The following ZZZ3 variants were observed in gnomAD, a reference collection of about 807,000 sequenced individuals.
The protein encoded by ZZZ3 is ZZ-type zinc finger-containing protein 3.
ZZZ3 carries 22 observed loss-of-function variants against 95.2 expected under a neutral mutation model. That is an observed-to-expected ratio of 0.23 (90% CI 0.17 to 0.33). ZZZ3 has a LOEUF of 0.33. Ranked by LOEUF, ZZZ3 falls within the 10% of genes least tolerant of loss-of-function variation. The pLI is 1.00. For missense variants in ZZZ3, 885 were observed against 1,066.5 expected (o/e 0.83, Z 2.37); for synonymous variants, 335 against 358.9 (o/e 0.93, Z 0.75).
chr1:77,650,422 C>T (rs548930956), intron 1 of ZZZ3, among the ~76,000 whole-genome samples: 5 of 152,108 alleles, frequency 3.3e-5, no homozygotes, highest in African/African-American at 1.2e-4. Context: ...ACTGTGACCA[C>T]GATGAAATTA....
intron 6 of ZZZ3, among the ~76,000 whole-genome samples, chr1:77,582,752 T>G (rs1490537624): frequency 6.6e-6 from 1 of 151,894 alleles, no homozygotes; most frequent in Non-Finnish European, 1.5e-5. Flanking sequence ...CATGTAATTG[T>G]ATAAAAAATT....
At chr1:77,566,465 C>T (rs927613245) in intron 13 of ZZZ3, among the ~76,000 whole-genome samples, 14 of 152,186 alleles carry the variant, frequency 9.2e-5, no homozygotes, top group African/African-American at 2.9e-4. Flanking sequence ...AGTAAATCAT[C>T]TCCAACTTGG....
At chr1:77,610,495 C>A (rs1665684956) in intron 5 of ZZZ3, among the ~76,000 whole-genome samples, 2 of 151,612 alleles carry the variant, frequency 1.3e-5, no homozygotes, top group African/African-American at 4.8e-5. Flanking sequence ...TCAAACCAGA[C>A]AAAGACACGT....
chr1:77,665,956 G>A lies in ZZZ3; in HGVS notation c.-403+16629C>T, dbSNP rs150692439. Among the ~76,000 whole-genome samples the A allele has an allele frequency of 5.6e-3, 849 of 152,276 alleles. 2 individuals are homozygous for A. Among genetic ancestry groups the A allele is most frequent in the Non-Finnish European group, 0.01 (688 of 68,004 alleles). On this transcript the variant is annotated intron_variant, in intron 1 of 14. Transcript: ENST00000370801. ...CTCAAGAGGCTGAGGCAGGAGAATCGCTTGAACCCAGAAGGCGGAGGGTGC... is the reference window on the plus strand; with the variant it reads ...CTCAAGAGGCTGAGGCAGGAGAATCACTTGAACCCAGAAGGCGGAGGGTGC...
intron 5 of ZZZ3, among the ~76,000 whole-genome samples, chr1:77,621,482 T>A (rs1267223106): frequency 2.9e-5 from 4 of 138,568 alleles, no homozygotes; most frequent in African/African-American, 5.4e-5. Context: ...TGGGAAAAAA[T>A]TTAAGAAATA....
At chr1:77,613,009 T>A (rs1665960027) in intron 5 of ZZZ3, among the ~76,000 whole-genome samples, 1 of 152,074 alleles carries the variant, frequency 6.6e-6, no homozygotes, top group East Asian at 1.9e-4. Context: ...TAGTAACCAC[T>A]TACTACCTAT....
chr1:77,576,137 C>T lies in ZZZ3; in HGVS notation c.2262G>A (p.Val754=), dbSNP rs1043264271. Reference sequence around the variant, plus strand: ...ATCGGTCATCATCTTCATCCATATACACTGGCGGTTCATGTGAAGTCATGA... The same window carrying T: ...ATCGGTCATCATCTTCATCCATATATACTGGCGGTTCATGTGAAGTCATGA... ...STFMTSHEPP[V]YMDEDDDRSC... is the part of the protein sequence containing the mutation. Residue 754 remains valine (V), a synonymous_variant, in exon 12 of 15, where the codon GTG becomes GTA. Coordinates refer to ENST00000370801, the MANE Select transcript of ZZZ3 (RefSeq NM_015534.6). The T allele has an allele frequency of 6.2e-7, 1 of 1,613,506 alleles. No individual in the cohort carries two copies.
Position 77,633,180 on chromosome 1 carries a change from T to C in ZZZ3, c.175A>G (p.Ile59Val), listed in dbSNP as rs775480340. The C allele has an allele frequency of 1.2e-6, 2 of 1,614,062 alleles. No homozygotes were observed. The highest frequency in any genetic ancestry group is 1.3e-5 in the African/African-American group (1 of 75,028). The part of the protein sequence containing the change: ...SPKKRPEPVP[I>V]QKGNNNGRTT... ...CTCCCATTATTATTTCCTTTCTGAA[T>C]TGGCACAGGCTCTGGTCTCTTCTTT... is the stretch of plus-strand genomic sequence containing the variant. Residue 59 changes from isoleucine to valine, a missense_variant, in exon 5 of 15, where the codon ATT becomes GTT. Around this residue, in one of 5 missense-constraint regions of ZZZ3, gnomAD observed 556 missense variants for 652.9 expected, o/e 0.85. Transcript: ENST00000370801.
chr1:77,613,599 T>A (rs939428632), intron 5 of ZZZ3, among the ~76,000 whole-genome samples: 1 of 152,054 alleles, frequency 6.6e-6, no homozygotes, highest in Non-Finnish European at 1.5e-5. Flanking sequence ...TATGCAATTG[T>A]AAGGAAGAGA....
intron 5 of ZZZ3, among the ~76,000 whole-genome samples, chr1:77,588,773 G>A (rs1297207323): frequency 6.6e-6 from 1 of 152,068 alleles, no homozygotes. Flanking sequence ...TTTTCCGTAA[G>A]GATAGCTTTG....
At chr1:77,589,125 C>T (rs958531383) in intron 5 of ZZZ3, among the ~76,000 whole-genome samples, 4 of 152,194 alleles carry the variant, frequency 2.6e-5, no homozygotes, top group Non-Finnish European at 5.9e-5. Flanking sequence ...TTTCCTCCCA[C>T]CTTGGCCTCC....
chr1:77,610,841 A>T (rs1443771267), intron 5 of ZZZ3, among the ~76,000 whole-genome samples: 4 of 151,968 alleles, frequency 2.6e-5, no homozygotes, highest in African/African-American at 9.7e-5. Flanking sequence ...TAAAGGCCAT[A>T]TACAACAAGC....
chr1:77,658,383 C>T (rs147986082), intron 1 of ZZZ3, among the ~76,000 whole-genome samples: 1,586 of 151,902 alleles, frequency 0.01, 29 homozygotes, highest in African/African-American at 0.036. Context: ...ACTCTGTCAC[C>T]CAGGCTGGAA....
intron 1 of ZZZ3, among the ~76,000 whole-genome samples, chr1:77,677,536 G>A (rs559586323): frequency 6.6e-6 from 1 of 152,216 alleles, no homozygotes; most frequent in Admixed American, 6.5e-5. Flanking sequence ...CCACTCGAAA[G>A]AGAATACAAA....
intron 1 of ZZZ3, among the ~76,000 whole-genome samples, chr1:77,665,999 C>T (rs1291406418): frequency 6.6e-6 from 1 of 152,190 alleles, no homozygotes; most frequent in African/African-American, 2.4e-5. Context: ...CGAGATTGCG[C>T]CAGTACACTC....
At chr1:77,595,808 C>A (rs903586743) in intron 5 of ZZZ3, among the ~76,000 whole-genome samples, 10 of 151,968 alleles carry the variant, frequency 6.6e-5, no homozygotes, top group Non-Finnish European at 1.2e-4. Flanking sequence ...TATAAAATTA[C>A]ACTCTGAGCA....
intron 5 of ZZZ3, among the ~76,000 whole-genome samples, chr1:77,618,418 C>T (rs995961906): frequency 2.0e-5 from 3 of 151,968 alleles, no homozygotes; most frequent in Middle Eastern, 3.4e-3. Flanking sequence ...ATGACAAGCA[C>T]AGTAGGAAGC....
intron 5 of ZZZ3, among the ~76,000 whole-genome samples, chr1:77,588,873 T>C (rs1194416214): frequency 6.6e-6 from 1 of 152,216 alleles, no homozygotes; most frequent in Non-Finnish European, 1.5e-5. Context: ...TGTCAAAGAA[T>C]TAGGGTTTTC....
intron 5 of ZZZ3, among the ~76,000 whole-genome samples, chr1:77,617,678 C>G (rs981467173): frequency 2.0e-5 from 3 of 151,812 alleles, no homozygotes; most frequent in African/African-American, 7.3e-5. Flanking sequence ...GTGGCTCATG[C>G]CTGTAATCCC....
Sources: gnomAD v4.1 joint callset for allele counts (sites outside exome capture counted in the v4.1 genomes callset) on GRCh38, gnomAD v4.1.1 for gene constraint, gnomAD v4.1.1 regional missense constraint, MANE v1.5 for transcripts, NCBI Gene and HGNC (gene_info 2026-07-23, HGNC 2026-07-21) for gene names.